The following PREX2 variants were observed in gnomAD, a reference collection of about 807,000 sequenced individuals.
PREX2 encodes the protein phosphatidylinositol 3,4,5-trisphosphate-dependent Rac exchanger 2 protein.
PREX2 carries 107 observed loss-of-function variants against 203.2 expected under a neutral mutation model. The observed-to-expected ratio is 0.53, with a 90% CI of 0.45 to 0.62. The LOEUF (loss-of-function observed/expected upper bound fraction) is 0.62. Ranked by LOEUF, PREX2 falls within the 20% of genes least tolerant of loss-of-function variation. PREX2 has a pLI of 0.00. For synonymous variants in PREX2, 672 were observed against 663.6 expected (o/e 1.01, Z -0.19); for missense variants, 1,777 against 1,955.9 (o/e 0.91, Z 1.72).
intron 25 of PREX2, 56 bp from the exon 26 acceptor site, chr8:68,115,697 G>C (rs1341681883): frequency 1.6e-6 from 2 of 1,261,242 alleles, no homozygotes; most frequent in Non-Finnish European, 2.2e-6. Context: ...AAATAAGGTA[G>C]TTATATATAG....
chr8:68,098,936 GTGTA>G (rs1346046553), intron 22 of PREX2, among the ~76,000 whole-genome samples: 1,304 of 74,836 alleles, frequency 0.017, 32 homozygotes, highest in African/African-American at 0.058. Context: ...ACATATATAT[GTGTA>G]TATATATATA....
chr8:68,120,098 T>G, intron 28 of PREX2, 98 bp from the exon 29 acceptor site: 2 of 754,614 alleles, frequency 2.7e-6, no homozygotes, highest in Non-Finnish European at 4.3e-6. Flanking sequence ...CAAAAATAAT[T>G]GTTGCTTTAA....
intron 37 of PREX2, among the ~76,000 whole-genome samples, chr8:68,213,385 G>A (rs1390490990): frequency 2.6e-5 from 4 of 152,148 alleles, no homozygotes; most frequent in Non-Finnish European, 5.9e-5. Context: ...AAAGGGATTC[G>A]TACAAGTAAG....
intron 35 of PREX2, among the ~76,000 whole-genome samples, chr8:68,180,699 G>A (rs1230725372): frequency 6.6e-6 from 1 of 152,084 alleles, no homozygotes; most frequent in Non-Finnish European, 1.5e-5. Flanking sequence ...GAAGGAGTGG[G>A]TGCTACATTT....
chr8:67,978,472 A>G (rs188672488), intron 1 of PREX2, among the ~76,000 whole-genome samples: 4 of 152,346 alleles, frequency 2.6e-5, no homozygotes, highest in Admixed American at 2.6e-4. Context: ...TATCCATTAT[A>G]TAATCCATTA....
intron 1 of PREX2, among the ~76,000 whole-genome samples, chr8:67,984,194 T>C (rs1460389954): frequency 1.3e-5 from 2 of 152,220 alleles, no homozygotes; most frequent in East Asian, 3.9e-4. Flanking sequence ...CTTCTACTTC[T>C]GAACCTTGAA....
intron 19 of PREX2, among the ~76,000 whole-genome samples, chr8:68,088,524 TTGATG>T (rs1809771403): frequency 6.6e-6 from 1 of 152,178 alleles, no homozygotes; most frequent in Non-Finnish European, 1.5e-5. Flanking sequence ...GTAAAGTATC[TTGATG>T]TGATCACCCA....
At chr8:68,077,677 A>G (rs1384266410) in intron 15 of PREX2, among the ~76,000 whole-genome samples, 2 of 152,140 alleles carry the variant, frequency 1.3e-5, no homozygotes, top group Admixed American at 6.5e-5. Context: ...TTACCTACCA[A>G]TTGCCATGAC....
chr8:67,988,387 G>T (rs925941537), intron 1 of PREX2, among the ~76,000 whole-genome samples: 3 of 152,292 alleles, frequency 2.0e-5, no homozygotes, highest in Admixed American at 2.0e-4. Context: ...TCTGCCATGT[G>T]CCTGGCACAA....
At chr8:68,012,766 G>A (rs1182088692) in intron 1 of PREX2, among the ~76,000 whole-genome samples, 1 of 152,164 alleles carries the variant, frequency 6.6e-6, no homozygotes, top group Non-Finnish European at 1.5e-5. Context: ...TAGGAACAAA[G>A]TAACATCATT....
intron 1 of PREX2, among the ~76,000 whole-genome samples, chr8:67,962,271 T>C (rs1805653298): frequency 6.6e-6 from 1 of 152,174 alleles, no homozygotes. Flanking sequence ...AGCTTGGCCT[T>C]GCTTTCATGC....
At chr8:68,197,392 T>A (rs1585858769) in intron 37 of PREX2, among the ~76,000 whole-genome samples, 1 of 152,216 alleles carries the variant, frequency 6.6e-6, no homozygotes, top group Non-Finnish European at 1.5e-5. Flanking sequence ...TTGCACTGAC[T>A]TTGTTCTGCT....
intron 32 of PREX2, among the ~76,000 whole-genome samples, chr8:68,134,670 C>T (rs1002917330): frequency 1.3e-5 from 2 of 152,192 alleles, no homozygotes; most frequent in Non-Finnish European, 2.9e-5. Flanking sequence ...CTGGAGCAGG[C>T]TTGAGAGCCA....
At chr8:67,989,207 G>A (rs1350791177) in intron 1 of PREX2, among the ~76,000 whole-genome samples, 3 of 152,040 alleles carry the variant, frequency 2.0e-5, no homozygotes, top group Non-Finnish European at 4.4e-5. Context: ...AGTAGAAAAA[G>A]TTCCAAATTT....
At chr8:68,155,240 C>G (rs1481274342) in intron 34 of PREX2, among the ~76,000 whole-genome samples, 1 of 152,048 alleles carries the variant, frequency 6.6e-6, no homozygotes, top group Non-Finnish European at 1.5e-5. Context: ...GGTAAAGTTT[C>G]CTGGGCTCCT....
chr8:68,085,611 T>C (rs1809657979), intron 18 of PREX2, among the ~76,000 whole-genome samples: 1 of 152,166 alleles, frequency 6.6e-6, no homozygotes, highest in African/African-American at 2.4e-5. Context: ...TTATTTTCTG[T>C]AGGAAATAGA....
intron 8 of PREX2, among the ~76,000 whole-genome samples, chr8:68,052,177 G>A (rs1367628122): frequency 6.6e-6 from 1 of 152,088 alleles, no homozygotes; most frequent in African/African-American, 2.4e-5. Context: ...CTCAACACTG[G>A]CCTTTGCTGC....
intron 5 of PREX2, 71 bp downstream of exon 5, chr8:68,027,394 A>C (rs1807759130): frequency 1.0e-6 from 1 of 986,448 alleles, no homozygotes; most frequent in Admixed American, 1.8e-5. Flanking sequence ...CTTTTTAAAA[A>C]ATTATTTTAA....
chr8:67,990,939 A>G (rs190728774), intron 1 of PREX2, among the ~76,000 whole-genome samples: 1 of 152,288 alleles, frequency 6.6e-6, no homozygotes, highest in Admixed American at 6.5e-5. Flanking sequence ...CCAGCAGCCT[A>G]CCTAGATCAT....
Sources: gnomAD v4.1 joint callset for allele counts (sites outside exome capture counted in the v4.1 genomes callset) on GRCh38, gnomAD v4.1.1 for gene constraint, MANE v1.5 for transcripts, NCBI Gene and HGNC (gene_info 2026-07-23, HGNC 2026-07-21) for gene names.